The following HAVCR2 variants were observed in gnomAD, a reference collection of about 807,000 sequenced individuals.
The protein encoded by HAVCR2 is hepatitis A virus cellular receptor 2.
Under a neutral mutation model 24.7 loss-of-function variants are expected in HAVCR2, and 13 were observed. The observed-to-expected ratio is 0.53, with a 90% CI of 0.34 to 0.84. The LOEUF (loss-of-function observed/expected upper bound fraction) is 0.84. Among genes scored for constraint, HAVCR2 ranks in the 40% least tolerant of loss-of-function variants. The probability of loss-of-function intolerance (pLI) is 0.01; values close to 1 mark genes in which losing one functional copy is unlikely to be tolerated. For synonymous variants in HAVCR2, 154 were observed against 143.4 expected (o/e 1.07, Z -0.53); for missense variants, 343 against 371.2 (o/e 0.92, Z 0.62).
intron 2 of HAVCR2, among the ~76,000 whole-genome samples, chr5:157,105,171 T>G (rs573020965): frequency 2.0e-5 from 3 of 152,150 alleles, no homozygotes; most frequent in African/African-American, 7.2e-5. Context: ...TTCAAGCAAT[T>G]CTCCTGCCTC....
intron 1 of HAVCR2, among the ~76,000 whole-genome samples, chr5:157,108,363 G>T (rs945824556): frequency 1.3e-5 from 2 of 151,918 alleles, no homozygotes; most frequent in African/African-American, 4.8e-5. Context: ...GCACGCCTGT[G>T]ATCCCAGCTA....
intron 4 of HAVCR2, among the ~76,000 whole-genome samples, chr5:157,096,398 C>T (rs528059617): frequency 2.0e-5 from 3 of 152,280 alleles, no homozygotes; most frequent in African/African-American, 7.2e-5. Flanking sequence ...CTCTAGTTAA[C>T]TTGATTTTCT....
chr5:157,096,927 AACACAC>A (rs34799337), intron 4 of HAVCR2, among the ~76,000 whole-genome samples: 3,269 of 142,912 alleles, frequency 0.023, 128 homozygotes, highest in African/African-American at 0.078. Context: ...ATTTATACAA[AACACAC>A]ACACACACAC....
chr5:157,095,719 A>AT (rs1018042868), intron 4 of HAVCR2, among the ~76,000 whole-genome samples: 1 of 151,178 alleles, frequency 6.6e-6, no homozygotes, highest in Non-Finnish European at 1.5e-5. Context: ...AAAAAAAAAA[A>AT]AAAAAAAGAG....
Position 157,091,571 on chromosome 5 carries a change from G to C in HAVCR2, c.677-2594C>G, listed in dbSNP as rs367827844. On this transcript the variant is annotated intron_variant, in intron 5 of 6. Coordinates refer to ENST00000307851, the MANE Select transcript of HAVCR2 (RefSeq NM_032782.5). ...ACTAGATGATGGTGGGTCAAGGAGT[G>C]TAGATGGGTGAAAAGTAGAGACAAC... Among the ~76,000 whole-genome samples, 4 of 152,312 alleles carry C rather than the reference G, an allele frequency of 2.6e-5. No homozygotes were observed. The East Asian group carries it at 5.8e-4, about 22-fold the overall frequency.
intron 4 of HAVCR2, among the ~76,000 whole-genome samples, chr5:157,097,418 C>T (rs567997730): frequency 2.2e-4 from 33 of 151,932 alleles, no homozygotes; most frequent in Admixed American, 1.2e-3. Context: ...CCATGCCTGG[C>T]CAAATTTTAA....
rs767274710 is a variant in HAVCR2 at position 157,087,175 on chromosome 5, T to C, written c.833A>G (p.Asn278Ser). 4.8e-5 allele frequency: 78 copies of C among 1,614,010 alleles called. No homozygotes were observed. Among genetic ancestry groups the C allele is most frequent in the Middle Eastern group, 3.3e-4 (2 of 6,084 alleles). Residue 278 changes from asparagine (N) to serine (S), a missense_variant, in exon 7 of 7, where the codon AAT (asparagine) becomes AGT (serine). Coordinates refer to ENST00000307851, the MANE Select transcript of HAVCR2 (RefSeq NM_032782.5). ...GCTGCTGACATAGCAATAATACTCA[T>C]TGGGCTCCTCCACTTCATATACGTT... ...EENVYEVEEP[N>S]EYYCYVSSRQ...
chr5:157,104,797 G>T, intron 2 of HAVCR2, 48 bp from the exon 3 acceptor site: 1 of 1,345,956 alleles, frequency 7.4e-7, no homozygotes, highest in Non-Finnish European at 1.0e-6. Context: ...AGAGCAGAAA[G>T]CTTATTTCAG....
At position 157,087,250 on chromosome 5, in the gene HAVCR2, G is replaced by A; in HGVS notation, c.758C>T (p.Ala253Val). 6.2e-7 allele frequency: 1 copy of A among 1,612,974 alleles called. No individual in the cohort carries two copies. Among genetic ancestry groups the A allele is most frequent in the Non-Finnish European group, 8.5e-7 (1 of 1,179,774 alleles). ...ANLPPSGLAN[A>V]VAEGIRSEEN... The stretch of plus-strand genomic sequence containing the variant: ...TTCTGAGCGAATTCCCTCTGCTACT[G>A]CATTTGCCAATCCTGAGGGAGGGAG... Residue 253 changes from alanine (A) to valine (V), a missense_variant, in exon 7 of 7, where the codon GCA becomes GTA. Physicochemically the swap from Ala to Val is moderately conservative, Grantham distance 64 (BLOSUM62 0). Coordinates refer to ENST00000307851, the MANE Select transcript of HAVCR2 (RefSeq NM_032782.5).
intron 3 of HAVCR2, among the ~76,000 whole-genome samples, chr5:157,103,903 A>T (rs918199826): frequency 3.9e-5 from 6 of 152,198 alleles, no homozygotes; most frequent in African/African-American, 1.4e-4. Context: ...AATATTAACG[A>T]CAACAGCTAA....
rs773216921 is a variant in HAVCR2, at chr5:157,104,743, A to G, written c.401T>C (p.Val134Ala). The G allele has an allele frequency of 3.1e-6, 5 of 1,593,264 alleles. No homozygotes were observed. Among genetic ancestry groups the G allele is most frequent in the Non-Finnish European group, 3.4e-6 (4 of 1,167,866 alleles). Residue 134 changes from valine (V) to alanine (A), a missense_variant, in exon 3 of 7, where the codon GTC becomes GCC. By Grantham distance (64) the Val-to-Ala change is moderately conservative (BLOSUM62 0). Coordinates refer to ENST00000307851, the MANE Select transcript of HAVCR2 (RefSeq NM_032782.5). The part of the protein sequence containing the change: ...NLKLVIKPAK[V>A]TPAPTRQRDF... ...TCTCTGCCGAGTCGGTGCAGGGGTG[A>G]CCTTGGCTAATGTCAGAAACAACAT... is the stretch of plus-strand genomic sequence containing the variant.
At chr5:157,107,061 C>T in intron 1 of HAVCR2, 99 bp from the exon 2 acceptor site, 4 of 947,040 alleles carry the variant, frequency 4.2e-6, no homozygotes, top group Admixed American at 2.4e-5. Context: ...AAAGAGGAAG[C>T]TACTGCTGCA....
rs1756925096 is a variant in HAVCR2, at chr5:157,087,165, A to G, written c.843T>C (p.Tyr281=). The change falls in exon 7 of 7, where the codon TAT becomes TAC. Residue 281 remains tyrosine, a synonymous_variant. Transcript: ENST00000307851. The part of the protein sequence containing the change: ...VYEVEEPNEY[Y]CYVSSRQQPS... ...GTTGCTGCCTGCTGCTGACATAGCA[A>G]TAATACTCATTGGGCTCCTCCACTT... The G allele has an allele frequency of 1.9e-6, 3 of 1,614,172 alleles. No homozygotes were observed. Among genetic ancestry groups the G allele is most frequent in the Non-Finnish European group, 2.5e-6 (3 of 1,180,020 alleles).
At chr5:157,093,116 T>TA (rs1450631395) in intron 5 of HAVCR2, among the ~76,000 whole-genome samples, 1 of 148,342 alleles carries the variant, frequency 6.7e-6, no homozygotes, top group African/African-American at 2.5e-5. Context: ...TATATACATA[T>TA]ATATATATTC....
rs1561617618 is a variant in HAVCR2 at position 157,086,145 on chromosome 5, C to A, written c.*957G>T. On this transcript the variant is annotated 3_prime_UTR_variant, in exon 7 of 7. Coordinates refer to ENST00000307851, the MANE Select transcript of HAVCR2 (RefSeq NM_032782.5). ...AAGCACACAACAAGCAAAACTTGGC[C>A]AATACACACCAATCAAATGCACTTC... 6.6e-6 allele frequency: 1 copy of A among 152,176 alleles called. No individual in the cohort carries two copies. Among genetic ancestry groups the A allele is most frequent in the Non-Finnish European group, 1.5e-5 (1 of 68,044 alleles). The allele number at this position is 152,176 out of a possible 1,614,324, so 9.4% of individuals were successfully genotyped here.
At position 157,086,433 on chromosome 5, in the gene HAVCR2, G is replaced by C. The variant is rs1312792199; in HGVS notation, c.*669C>G. 1.3e-5 allele frequency: 2 copies of C among 152,410 alleles called. No homozygotes were observed. The highest frequency in any genetic ancestry group is 4.8e-5 in the African/African-American group (2 of 41,454). 9.4% of individuals were successfully genotyped at this position (152,410 alleles called of 1,614,324 possible). A position where few individuals can be genotyped will look rare whatever the true frequency, so the allele number is the denominator to read the frequency against. ...GGAGGCCGAGGCAGGCAAATCATGA[G>C]GTCAGGAGTTTGAGACCACACTGGC... On this transcript the variant is annotated 3_prime_UTR_variant, in exon 7 of 7. Transcript: ENST00000307851.
At chr5:157,104,578 C>G in intron 3 of HAVCR2, 88 bp downstream of exon 3, 1 of 922,112 alleles carries the variant, frequency 1.1e-6, no homozygotes, top group Non-Finnish European at 1.7e-6. Context: ...CACTCTCACA[C>G]TGTTTTCTCA....
chr5:157,088,119 A>G (rs915956194), intron 6 of HAVCR2, among the ~76,000 whole-genome samples: 30 of 152,110 alleles, frequency 2.0e-4, no homozygotes, highest in South Asian at 1.5e-3. Flanking sequence ...CATGTTGCCC[A>G]GGCTGGTCTT....
At chr5:157,089,939 C>G (rs1381364940) in intron 5 of HAVCR2, among the ~76,000 whole-genome samples, 1 of 151,976 alleles carries the variant, frequency 6.6e-6, no homozygotes, top group African/African-American at 2.4e-5. Context: ...GAGATGTGAT[C>G]CTTATTTGTT....
Sources: gnomAD v4.1 joint callset for allele counts (sites outside exome capture counted in the v4.1 genomes callset) on GRCh38, gnomAD v4.1.1 for gene constraint, MANE v1.5 for transcripts, NCBI Gene and HGNC (gene_info 2026-07-23, HGNC 2026-07-21) for gene names.